The following MAPK10 variants were observed in gnomAD, a reference collection of about 807,000 sequenced individuals.
MAPK10 encodes the protein JNK3 alpha protein kinase.
Under a neutral mutation model 59.3 loss-of-function variants are expected in MAPK10, and 25 were observed. The ratio of observed to expected loss-of-function variants is 0.42; its 90% CI spans 0.31 to 0.59. The LOEUF is 0.59. Ranked by LOEUF, MAPK10 falls within the 20% of genes least tolerant of loss-of-function variation. The pLI is 0.15. For synonymous variants in MAPK10, 190 were observed against 200.5 expected (o/e 0.95, Z 0.44); for missense variants, 351 against 568.9 (o/e 0.62, Z 3.90).
At chr4:86,121,651 T>C (rs1029070551) in intron 4 of MAPK10, among the ~76,000 whole-genome samples, 1 of 152,184 alleles carries the variant, frequency 6.6e-6, no homozygotes, top group African/African-American at 2.4e-5. Flanking sequence ...TTTTGATATA[T>C]GTATACATTG....
intron 13 of MAPK10, among the ~76,000 whole-genome samples, chr4:86,023,614 C>T (rs1475675788): frequency 6.6e-6 from 1 of 151,788 alleles, no homozygotes; most frequent in Non-Finnish European, 1.5e-5. Context: ...TTTCTTTCAA[C>T]AATGTTTCGT....
chr4:86,370,527 G>C (rs1196302562), intron 1 of MAPK10, among the ~76,000 whole-genome samples: 1 of 152,028 alleles, frequency 6.6e-6, no homozygotes, highest in East Asian at 1.9e-4. Context: ...AAAGAAATCT[G>C]AGAAATGGTC....
At chr4:86,057,369 T>C (rs2044792475) in intron 11 of MAPK10, among the ~76,000 whole-genome samples, 1 of 150,346 alleles carries the variant, frequency 6.7e-6, no homozygotes, top group South Asian at 2.1e-4. Context: ...AGATTCTCAC[T>C]GCAGTTTAGT....
chr4:86,171,029 G>C (rs1673094572), intron 3 of MAPK10: 3 of 151,986 alleles, frequency 2.0e-5, no homozygotes, highest in Admixed American at 2.0e-4. Context: ...AAACCAACGA[G>C]AACAAAGACA....
chr4:86,343,776 G>A (rs1436445583), intron 2 of MAPK10, among the ~76,000 whole-genome samples: 1 of 152,152 alleles, frequency 6.6e-6, no homozygotes, highest in Non-Finnish European at 1.5e-5. Flanking sequence ...AGGTAGATAG[G>A]AGAATTCAGC....
At chr4:86,567,945 A>G (rs916891113) in intron 1 of MAPK10, among the ~76,000 whole-genome samples, 4 of 152,212 alleles carry the variant, frequency 2.6e-5, no homozygotes, top group Admixed American at 1.3e-4. Context: ...AGTTCTAGCT[A>G]GAGCAATCAG....
At chr4:86,320,636 T>G (rs2095870335) in intron 2 of MAPK10, among the ~76,000 whole-genome samples, 1 of 152,234 alleles carries the variant, frequency 6.6e-6, no homozygotes. Flanking sequence ...TAGTTTCTTT[T>G]GCTGTGCAGA....
intron 2 of MAPK10, among the ~76,000 whole-genome samples, chr4:86,345,237 G>T (rs1427998491): frequency 6.6e-6 from 1 of 152,102 alleles, no homozygotes; most frequent in East Asian, 1.9e-4. Context: ...ACTAGCCAAG[G>T]CTTCCCTCAC....
chr4:86,462,978 G>T (rs1751879230), intron 1 of MAPK10, among the ~76,000 whole-genome samples: 1 of 152,158 alleles, frequency 6.6e-6, no homozygotes. Context: ...TAACAGATAA[G>T]CCAATTTGGA....
intron 1 of MAPK10, among the ~76,000 whole-genome samples, chr4:86,504,236 TG>T (rs1755553239): frequency 6.6e-6 from 1 of 152,138 alleles, no homozygotes; most frequent in African/African-American, 2.4e-5. Flanking sequence ...AAGAGCATAC[TG>T]CACTTAATTC....
At chr4:86,584,694 C>G (rs896983872) in intron 1 of MAPK10, among the ~76,000 whole-genome samples, 1 of 152,212 alleles carries the variant, frequency 6.6e-6, no homozygotes, top group African/African-American at 2.4e-5. Flanking sequence ...GATCCTCCCA[C>G]TTAGCCTCCC....
At chr4:86,507,683 T>C (rs997078615) in intron 1 of MAPK10, among the ~76,000 whole-genome samples, 1 of 115,876 alleles carries the variant, frequency 8.6e-6, no homozygotes, top group Non-Finnish European at 1.7e-5. Flanking sequence ...AAATCATGTG[T>C]AAATTCCCAA....
At chr4:86,373,910 T>C (rs1369688701) in intron 1 of MAPK10, among the ~76,000 whole-genome samples, 12 of 152,162 alleles carry the variant, frequency 7.9e-5, no homozygotes, top group Admixed American at 6.5e-4. Context: ...ATTGAGTATA[T>C]ACCCAAAGGA....
intron 1 of MAPK10, among the ~76,000 whole-genome samples, chr4:86,470,445 G>A (rs910135734): frequency 6.6e-6 from 1 of 152,058 alleles, no homozygotes; most frequent in Non-Finnish European, 1.5e-5. Flanking sequence ...TTCTAGGAGA[G>A]TTAAACCTCT....
At chr4:86,368,740 T>G (rs1719726877) in intron 1 of MAPK10, among the ~76,000 whole-genome samples, 1 of 152,148 alleles carries the variant, frequency 6.6e-6, no homozygotes, top group Non-Finnish European at 1.5e-5. Context: ...TCTGCCACAA[T>G]AAAAACAGTT....
intron 2 of MAPK10, among the ~76,000 whole-genome samples, chr4:86,329,070 C>T (rs571971879): frequency 6.6e-6 from 1 of 152,296 alleles, no homozygotes; most frequent in Non-Finnish European, 1.5e-5. Context: ...GCTTGCCCTT[C>T]TACCTTCTAT....
At chr4:86,041,172 T>C (rs1297448055) in intron 11 of MAPK10, among the ~76,000 whole-genome samples, 1 of 151,914 alleles carries the variant, frequency 6.6e-6, no homozygotes, top group Non-Finnish European at 1.5e-5. Context: ...TACAATAATG[T>C]GTTAAGGCAT....
chr4:86,363,935 A>G (rs1187267598), upstream of MAPK10, among the ~76,000 whole-genome samples: 2 of 151,596 alleles, frequency 1.3e-5, no homozygotes, highest in African/African-American at 4.9e-5. Context: ...GGTGCCTGCC[A>G]CTCCACCTGG....
intron 1 of MAPK10, among the ~76,000 whole-genome samples, chr4:86,355,920 A>T (rs72663963): frequency 6.6e-6 from 1 of 152,200 alleles, no homozygotes; most frequent in Non-Finnish European, 1.5e-5. Flanking sequence ...TTCAGAAAGC[A>T]CATAGGGCAC....
Sources: allele counts gnomAD v4.1 joint callset (sites outside exome capture counted in the v4.1 genomes callset), GRCh38; gene constraint gnomAD v4.1.1; transcripts MANE v1.5; gene names NCBI Gene and HGNC (gene_info 2026-07-23, HGNC 2026-07-21).